KCNIP4: variants seen among roughly 807,000 people sequenced by gnomAD.
KCNIP4 encodes potassium voltage-gated channel interacting protein 4.
KCNIP4 carries 12 observed loss-of-function variants against 34.0 expected under a neutral mutation model. The ratio of observed to expected loss-of-function variants is 0.35; its 90% confidence interval spans 0.23 to 0.57. The LOEUF is 0.57. KCNIP4 is among the 20% of genes least tolerant of loss of function. The pLI is 0.83. For synonymous variants in KCNIP4, 124 were observed against 102.2 expected, an observed-to-expected ratio of 1.21 and a Z score of -1.29; for missense variants, 238 against 311.7, an observed-to-expected ratio of 0.76 and a Z score of 1.78.
intron 1 of KCNIP4, among the ~76,000 whole-genome samples, chr4:21,907,477 T>C (rs1728068468): frequency 6.6e-6 from 1 of 152,204 alleles, no homozygotes; most frequent in African/African-American, 2.4e-5. Context: ...TCAGGTATTC[T>C]GTTACAGAAA....
chr4:21,491,342 C>T (rs1023172372), intron 1 of KCNIP4, among the ~76,000 whole-genome samples: 1 of 151,966 alleles, frequency 6.6e-6, no homozygotes, highest in Non-Finnish European at 1.5e-5. Flanking sequence ...ACTGCAGAGC[C>T]CAAGATGAAA....
In KCNIP4 at chr4:21,000,829, A is replaced by G. The variant is rs114348289; in HGVS notation, c.62-118120T>C. Among the ~76,000 whole-genome samples the G allele has an allele frequency of 3.0e-3, 456 of 152,318 alleles. 1 individual carries two copies. The highest frequency in any genetic ancestry group is 0.011 in the African/African-American group (444 of 41,570). ...CACTATGTGCCTTGATCATACAGAC[A>G]TGCTTCTATCTCAGGGATATTGCAC... On this transcript the variant is annotated intron_variant, in intron 1 of 8. Transcript: ENST00000382152.
intron 1 of KCNIP4, among the ~76,000 whole-genome samples, chr4:20,948,733 A>G (rs892996013): frequency 6.6e-6 from 1 of 152,236 alleles, no homozygotes; most frequent in Admixed American, 6.5e-5. Flanking sequence ...CAAAAACTGT[A>G]TTATTGGAGA....
intron 1 of KCNIP4, among the ~76,000 whole-genome samples, chr4:21,339,711 T>C (rs1362664527): frequency 2.0e-5 from 3 of 152,090 alleles, no homozygotes; most frequent in African/African-American, 7.2e-5. Flanking sequence ...TTGGGTGAAT[T>C]GGTGCTGCCA....
At chr4:20,972,096 A>C (rs183502328) in intron 1 of KCNIP4, among the ~76,000 whole-genome samples, 1 of 152,166 alleles carries the variant, frequency 6.6e-6, no homozygotes, top group Admixed American at 6.5e-5. Context: ...TTCTAATTCT[A>C]GTTCTCTTGC....
chr4:21,838,364 C>G (rs970017350), intron 1 of KCNIP4, among the ~76,000 whole-genome samples: 1 of 152,168 alleles, frequency 6.6e-6, no homozygotes, highest in African/African-American at 2.4e-5. Context: ...GTGGGACAAT[C>G]GCAATGGACA....
chr4:21,196,354 C>T (rs968657295), intron 1 of KCNIP4, among the ~76,000 whole-genome samples: 4 of 152,038 alleles, frequency 2.6e-5, no homozygotes, highest in Non-Finnish European at 5.9e-5. Context: ...TAAGTATTTA[C>T]CCTTTTGCCT....
intron 1 of KCNIP4, among the ~76,000 whole-genome samples, chr4:21,326,462 G>A (rs1046513572): frequency 8.5e-5 from 11 of 129,444 alleles, no homozygotes; most frequent in East Asian, 4.3e-4. Flanking sequence ...ATCTTTTTTC[G>A]TACCTTTTTT....
In KCNIP4 at chr4:20,963,437, CT is replaced by C. The variant is rs377230941; in HGVS notation, c.62-80729del. 8.4e-3 allele frequency among the ~76,000 whole-genome samples: 1,270 copies of C among 151,122 alleles called. 3 individuals carry two copies. The highest frequency in any genetic ancestry group is 0.014 in the Middle Eastern group (4 of 290). Reference sequence around the variant, plus strand: ...TATTATTATTCCTATTATATGAACACTTTTTTTTTAAAACTCAGGGAGTCAT... The same window carrying C: ...TATTATTATTCCTATTATATGAACACTTTTTTTTAAAACTCAGGGAGTCAT... On this transcript the variant is annotated intron_variant, in intron 1 of 8. Coordinates refer to ENST00000382152, the MANE Select transcript of KCNIP4 (RefSeq NM_025221.6).
intron 3 of KCNIP4, among the ~76,000 whole-genome samples, chr4:20,759,503 TC>T: frequency 6.6e-6 from 1 of 152,202 alleles, no homozygotes; most frequent in Non-Finnish European, 1.5e-5. Flanking sequence ...GCTTAATAGA[TC>T]CCCACCTTTG....
chr4:21,343,047 C>T (rs1057151225), intron 1 of KCNIP4, among the ~76,000 whole-genome samples: 2 of 152,024 alleles, frequency 1.3e-5, no homozygotes, highest in Non-Finnish European at 2.9e-5. Flanking sequence ...AATGCTTCAG[C>T]CTGTTTGGAA....
At chr4:21,179,679 T>C (rs903740970) in intron 1 of KCNIP4, among the ~76,000 whole-genome samples, 3 of 152,238 alleles carry the variant, frequency 2.0e-5, no homozygotes, top group Admixed American at 6.5e-5. Flanking sequence ...ATGCTATTTC[T>C]GGCTTGTGAG....
chr4:20,976,322 T>C (rs879040892), intron 1 of KCNIP4, among the ~76,000 whole-genome samples: 1 of 152,220 alleles, frequency 6.6e-6, no homozygotes, highest in Non-Finnish European at 1.5e-5. Flanking sequence ...TGAAGCATTC[T>C]TCAGAGAACG....
intron 1 of KCNIP4, among the ~76,000 whole-genome samples, chr4:21,085,980 C>G (rs773158249): frequency 1.3e-5 from 2 of 152,148 alleles, no homozygotes; most frequent in Non-Finnish European, 1.5e-5. Context: ...GGCCAGGAGG[C>G]TGAATCAGAA....
chr4:21,543,468 T>C (rs1737870048), intron 1 of KCNIP4, among the ~76,000 whole-genome samples: 1 of 152,130 alleles, frequency 6.6e-6, no homozygotes, highest in Non-Finnish European at 1.5e-5. Flanking sequence ...CTGGACCCCA[T>C]GAAACCTAAA....
At chr4:20,994,746 T>C (rs1737394670) in intron 1 of KCNIP4, among the ~76,000 whole-genome samples, 1 of 152,160 alleles carries the variant, frequency 6.6e-6, no homozygotes, top group Non-Finnish European at 1.5e-5. Context: ...ATGTTATCAG[T>C]CCCATCAGCT....
At chr4:21,904,229 T>A (rs987324640) in intron 1 of KCNIP4, among the ~76,000 whole-genome samples, 10 of 152,176 alleles carry the variant, frequency 6.6e-5, no homozygotes, top group Non-Finnish European at 1.2e-4. Context: ...AGCAGGCTCA[T>A]GACCTAAGAA....
intron 1 of KCNIP4, among the ~76,000 whole-genome samples, chr4:21,392,110 T>A (rs10018017): frequency 0.048 from 7,320 of 152,278 alleles, 447 homozygotes; most frequent in African/African-American, 0.13. Context: ...GGAGATAGAC[T>A]CTTCTGCTAA....
At chr4:21,742,163 T>A (rs2109130176) in intron 1 of KCNIP4, among the ~76,000 whole-genome samples, 1 of 152,264 alleles carries the variant, frequency 6.6e-6, no homozygotes, top group South Asian at 2.1e-4. Context: ...GGGTACTGAA[T>A]AAAAGTCAGA....
Sources: gnomAD v4.1 joint callset for allele counts (sites outside exome capture counted in the v4.1 genomes callset) on GRCh38, gnomAD v4.1.1 for gene constraint, MANE v1.5 for transcripts, NCBI Gene and HGNC (gene_info 2026-07-23, HGNC 2026-07-21) for gene names.